The following SMARCB1 variants were observed in gnomAD, a reference collection of about 807,000 sequenced individuals.
SMARCB1 encodes SWI/SNF related BAF chromatin remodeling complex subunit B1.
In SMARCB1, 5 loss-of-function variants were observed where a neutral mutation model predicts 49.0. The ratio of observed to expected loss-of-function variants is 0.10; its 90% CI spans 0.05 to 0.21. SMARCB1 has a LOEUF of 0.21. SMARCB1 is among the 10% of genes least tolerant of loss of function. The pLI is 1.00. For synonymous variants in SMARCB1, 201 were observed against 200.1 expected, an observed-to-expected ratio of 1.00 and a Z score of -0.04; for missense variants, 226 against 509.2, an observed-to-expected ratio of 0.44 and a Z score of 5.35.
intron 5 of SMARCB1, among the ~76,000 whole-genome samples, chr22:23,813,939 C>A (rs1024680100): frequency 1.3e-5 from 2 of 152,244 alleles, no homozygotes; most frequent in South Asian, 4.1e-4. Context: ...AAGCGTTTCT[C>A]CTGCCTTAGT....
At chr22:23,812,857 CTGTTGCTATTTTTT>C (rs1252205960) in intron 5 of SMARCB1, among the ~76,000 whole-genome samples, 53 of 140,372 alleles carry the variant, frequency 3.8e-4, no homozygotes, top group African/African-American at 1.4e-3. Context: ...ACAAAAAGTC[CTGTTGCTATTTTTT>C]TTTTTTTTTT....
rs970791302 is a variant in SMARCB1 at position 23,825,489 on chromosome 22, G to A, written c.986+74G>A. 3.7e-6 allele frequency: 5 copies of A among 1,344,160 alleles called. No individual in the cohort carries two copies. In the African/African-American group the frequency reaches 7.2e-5, roughly 19 times the overall value. The allele number at this position is 1,344,160 out of a possible 1,614,324, so 83.3% of individuals were successfully genotyped here. A position where few individuals can be genotyped will look rare whatever the true frequency, so the allele number is the denominator to read the frequency against. ...TTTTGAGAAAGACTTCTCTGTGTGAGCGGTGATACCTTTGAGGCTTTCTCA... is the reference window on the plus strand; with the variant it reads ...TTTTGAGAAAGACTTCTCTGTGTGAACGGTGATACCTTTGAGGCTTTCTCA... On this transcript the variant is annotated intron_variant, in intron 7 of 8. Transcript: ENST00000644036.
At position 23,836,631 on chromosome 22, in the gene SMARCB1, C is replaced by T. The variant is rs1433832906; in HGVS notation, c.*2451C>T. 1.6e-6 allele frequency: 2 copies of T among 1,237,196 alleles called. No individual in the cohort carries two copies. The highest frequency in any genetic ancestry group is 2.0e-6 in the Non-Finnish European group (2 of 993,530). 76.6% of individuals were successfully genotyped at this position (1,237,196 alleles called of 1,614,324 possible). A position where few individuals can be genotyped will look rare whatever the true frequency, so the allele number is the denominator to read the frequency against. On this transcript the variant is annotated 3_prime_UTR_variant, in exon 9 of 9. Transcript: ENST00000644036. ...GCCCTCTGTGGGCACCCCTATCCTA[C>T]CACCTGCAGTTGGGCTGAGAGGCCA...
At position 23,837,306 on chromosome 22, in the gene SMARCB1, G is replaced by A; in HGVS notation, c.*3126G>A. 9.5e-7 allele frequency: 1 copy of A among 1,052,470 alleles called. No homozygotes were observed. Among genetic ancestry groups the A allele is most frequent in the Non-Finnish European group, 1.4e-6 (1 of 720,762 alleles). 65.2% of individuals were successfully genotyped at this position (1,052,470 alleles called of 1,614,324 possible). A position where few individuals can be genotyped will look rare whatever the true frequency, so the allele number is the denominator to read the frequency against. ...GCCTTGCACAGAGTGCCAGCCCCGGGTTGGCCGTGAAGGACAAGCTTAAAA... is the reference window on the plus strand; with the variant it reads ...GCCTTGCACAGAGTGCCAGCCCCGGATTGGCCGTGAAGGACAAGCTTAAAA... On this transcript the variant is annotated 3_prime_UTR_variant, in exon 9 of 9. Transcript: ENST00000644036.
chr22:23,823,976 T>A (rs2030241123), intron 6 of SMARCB1: 1 of 152,236 alleles, frequency 6.6e-6, no homozygotes, highest in African/African-American at 2.4e-5. Context: ...CACTCCAGCC[T>A]GAGTGACAGA....
intron 6 of SMARCB1, among the ~76,000 whole-genome samples, chr22:23,821,557 A>T (rs1018461439): frequency 6.6e-6 from 1 of 151,964 alleles, no homozygotes; most frequent in Non-Finnish European, 1.5e-5. Flanking sequence ...TTCTGTAGGA[A>T]ATGGAGTCTC....
At chr22:23,812,662 T>A (rs533044540) in intron 5 of SMARCB1, among the ~76,000 whole-genome samples, 1 of 152,312 alleles carries the variant, frequency 6.6e-6, no homozygotes, top group East Asian at 1.9e-4. Flanking sequence ...GATGGAAGGC[T>A]GGGTCAATAT....
chr22:23,835,213 C>T lies in SMARCB1; in HGVS notation c.*1033C>T. The T allele has an allele frequency of 2.4e-6, 3 of 1,251,944 alleles. No individual in the cohort carries two copies. The highest frequency in any genetic ancestry group is 3.3e-5 in the East Asian group (1 of 30,064). 77.6% of individuals were successfully genotyped at this position (1,251,944 alleles called of 1,614,324 possible). A position where few individuals can be genotyped will look rare whatever the true frequency, so the allele number is the denominator to read the frequency against. On this transcript the variant is annotated 3_prime_UTR_variant, in exon 9 of 9. Coordinates refer to ENST00000644036, the MANE Select transcript of SMARCB1 (RefSeq NM_003073.5). Reference sequence around the variant, plus strand: ...GCCCTGCCTCCAAGGAGTTCATGTCCCCTCTGTTCTCATCTGTAATAGGGA... The same window carrying T: ...GCCCTGCCTCCAAGGAGTTCATGTCTCCTCTGTTCTCATCTGTAATAGGGA...
chr22:23,809,857 GT>G (rs1483292554), intron 5 of SMARCB1, among the ~76,000 whole-genome samples: 10 of 152,124 alleles, frequency 6.6e-5, no homozygotes, highest in African/African-American at 2.4e-4. Flanking sequence ...GACATTCTTA[GT>G]CAAGACATTC....
In SMARCB1 at chr22:23,834,792, A is replaced by G. The variant is rs1427845763; in HGVS notation, c.*612A>G. 3 of 1,586,762 alleles carry G rather than the reference A, an allele frequency of 1.9e-6. No homozygotes were observed. In the East Asian group the frequency reaches 6.7e-5, roughly 36 times the overall value. ...CAGGGCAAGAGGCTCTCTGCCTTTC[A>G]GGAACAGCCCTAACCCTGCTCCCCT... On this transcript the variant is annotated 3_prime_UTR_variant, in exon 9 of 9. Transcript: ENST00000644036.
In SMARCB1 at chr22:23,837,320, A is replaced by T. The variant is rs911562537; in HGVS notation, c.*3140A>T. 8.8e-6 allele frequency: 8 copies of T among 910,472 alleles called. No individual in the cohort carries two copies. The East Asian group carries it at 1.9e-4, about 21-fold the overall frequency. The allele number at this position is 910,472 out of a possible 1,614,324, so 56.4% of individuals were successfully genotyped here. A position where few individuals can be genotyped will look rare whatever the true frequency, so the allele number is the denominator to read the frequency against. ...GCCAGCCCCGGGTTGGCCGTGAAGG[A>T]CAAGCTTAAAAGGCCCAGAAGCAGG... On this transcript the variant is annotated 3_prime_UTR_variant, in exon 9 of 9. Coordinates refer to ENST00000644036, the MANE Select transcript of SMARCB1 (RefSeq NM_003073.5).
intron 5 of SMARCB1, among the ~76,000 whole-genome samples, chr22:23,814,427 A>T (rs1930057268): frequency 6.6e-6 from 1 of 152,202 alleles, no homozygotes; most frequent in Non-Finnish European, 1.5e-5. Flanking sequence ...GCACTTCGGG[A>T]GGCTGAGGTG....
chr22:23,818,949 A>T (rs9608193), intron 6 of SMARCB1, among the ~76,000 whole-genome samples: 18,807 of 151,322 alleles, frequency 0.12, 1,253 homozygotes, highest in South Asian at 0.27. Context: ...CAAGTGATCC[A>T]CCCGGTGCAG....
intron 5 of SMARCB1, among the ~76,000 whole-genome samples, chr22:23,811,963 A>G (rs901954597): frequency 4.6e-5 from 7 of 152,230 alleles, no homozygotes; most frequent in Non-Finnish European, 8.8e-5. Context: ...TAAATTATCA[A>G]TATCAGGAAT....
chr22:23,803,426 C>A lies in SMARCB1; in HGVS notation c.628+4C>A. 6.2e-7 allele frequency: 1 copy of A among 1,614,060 alleles called. No homozygotes were observed. Among genetic ancestry groups the A allele is most frequent in the Non-Finnish European group, 8.5e-7 (1 of 1,180,038 alleles). On this transcript the variant is annotated splice_donor_region_variant and intron_variant, in intron 5 of 8. Transcript: ENST00000644036. ...GCCTTCACCTGGAACATGAATGGTA[C>A]AAGGCAGTCGGGCTTGGCTGGGCCT...
chr22:23,789,167 A>G (rs917218246), intron 1 of SMARCB1, among the ~76,000 whole-genome samples: 1 of 152,218 alleles, frequency 6.6e-6, no homozygotes, highest in African/African-American at 2.4e-5. Flanking sequence ...TTTTTATAAA[A>G]CAAAAAATAT....
chr22:23,810,905 C>T (rs1263351458), intron 5 of SMARCB1, among the ~76,000 whole-genome samples: 1 of 152,006 alleles, frequency 6.6e-6, no homozygotes, highest in Non-Finnish European at 1.5e-5. Flanking sequence ...TGGCGGGCGC[C>T]TGTAATCCCA....
chr22:23,805,937 G>C (rs1041382685), intron 5 of SMARCB1, among the ~76,000 whole-genome samples: 5 of 152,176 alleles, frequency 3.3e-5, no homozygotes, highest in Non-Finnish European at 5.9e-5. Flanking sequence ...CCCCCGCCCT[G>C]TTCCAGAAAG....
intron 7 of SMARCB1, among the ~76,000 whole-genome samples, chr22:23,830,065 CTT>C (rs1182335153): frequency 6.6e-6 from 1 of 152,160 alleles, no homozygotes; most frequent in Non-Finnish European, 1.5e-5. Context: ...AGCAGATTGA[CTT>C]TTGGGTTGTT....
Sources: allele counts gnomAD v4.1 joint callset (sites outside exome capture counted in the v4.1 genomes callset), GRCh38; gene constraint gnomAD v4.1.1; transcripts MANE v1.5; gene names NCBI Gene and HGNC (gene_info 2026-07-23, HGNC 2026-07-21).